The following SSBP2 variants were observed in gnomAD, a reference collection of about 807,000 sequenced individuals.
The protein encoded by SSBP2 is single-stranded DNA-binding protein 2.
A neutral mutation model predicts 61.8 loss-of-function variants in SSBP2; 17 were observed. The observed-to-expected ratio is 0.28, with a 90% CI of 0.19 to 0.41. The LOEUF is 0.41. Ranked by LOEUF, SSBP2 falls within the 10% of genes least tolerant of loss-of-function variation. SSBP2 has a pLI of 1.00. For missense variants in SSBP2, 310 were observed against 458.7 expected (o/e 0.68, Z 2.96); for synonymous variants, 139 against 141.3 (o/e 0.98, Z 0.12).
At chr5:81,678,320 C>A (rs1186690207) in intron 1 of SSBP2, among the ~76,000 whole-genome samples, 2 of 151,990 alleles carry the variant, frequency 1.3e-5, no homozygotes, top group African/African-American at 4.8e-5. Flanking sequence ...AAGGAAGAAT[C>A]TCTAAACTTG....
intron 1 of SSBP2, among the ~76,000 whole-genome samples, chr5:81,700,677 T>A (rs1394689482): frequency 2.0e-5 from 3 of 152,244 alleles, no homozygotes; most frequent in African/African-American, 7.2e-5. Context: ...ATCTTAGATC[T>A]TCTGGATAAT....
chr5:81,624,900 T>C (rs901426442), intron 3 of SSBP2, among the ~76,000 whole-genome samples: 2 of 152,134 alleles, frequency 1.3e-5, no homozygotes, highest in Non-Finnish European at 2.9e-5. Flanking sequence ...GTCTATATAA[T>C]ATGCTGCCAT....
At chr5:81,577,738 A>G (rs1774320902) in intron 4 of SSBP2, among the ~76,000 whole-genome samples, 1 of 151,994 alleles carries the variant, frequency 6.6e-6, no homozygotes, top group African/African-American at 2.4e-5. Context: ...AAAAAAAAGT[A>G]TAGTAACCCT....
chr5:81,686,925 A>T (rs1752855839), intron 1 of SSBP2, among the ~76,000 whole-genome samples: 1 of 151,502 alleles, frequency 6.6e-6, no homozygotes, highest in African/African-American at 2.4e-5. Context: ...AAAAGTGACA[A>T]AATGGGAAGT....
intron 2 of SSBP2, among the ~76,000 whole-genome samples, chr5:81,649,519 G>C: frequency 6.6e-6 from 1 of 152,022 alleles, no homozygotes; most frequent in East Asian, 1.9e-4. Flanking sequence ...ATTAACACAA[G>C]AACAGAAAAC....
intron 9 of SSBP2, among the ~76,000 whole-genome samples, chr5:81,464,360 A>G (rs1764751694): frequency 6.6e-6 from 1 of 152,202 alleles, no homozygotes; most frequent in Non-Finnish European, 1.5e-5. Context: ...TATTTTGGCC[A>G]TAACTTATAA....
chr5:81,739,798 A>T (rs185151767), intron 1 of SSBP2, among the ~76,000 whole-genome samples: 47 of 152,308 alleles, frequency 3.1e-4, no homozygotes, highest in Admixed American at 3.0e-3. Context: ...AAGAAGCCCT[A>T]CTTTCTTACG....
intron 6 of SSBP2, among the ~76,000 whole-genome samples, chr5:81,483,776 C>A (rs1766176422): frequency 6.6e-6 from 1 of 152,082 alleles, no homozygotes; most frequent in Non-Finnish European, 1.5e-5. Flanking sequence ...CACACACACA[C>A]ACACACACAT....
intron 13 of SSBP2, among the ~76,000 whole-genome samples, chr5:81,441,676 G>T (rs1025590272): frequency 2.0e-5 from 3 of 152,090 alleles, no homozygotes; most frequent in Non-Finnish European, 4.4e-5. Context: ...CTATCACCAT[G>T]GGCAATACAA....
chr5:81,716,270 G>A (rs1213468447), intron 1 of SSBP2, among the ~76,000 whole-genome samples: 1 of 152,076 alleles, frequency 6.6e-6, no homozygotes, highest in African/African-American at 2.4e-5. Context: ...TGAGATAAGG[G>A]TAATAGTAGC....
chr5:81,665,458 C>T (rs1320463223), intron 1 of SSBP2, among the ~76,000 whole-genome samples: 4 of 152,020 alleles, frequency 2.6e-5, no homozygotes, highest in Non-Finnish European at 5.9e-5. Context: ...ATATAGACAA[C>T]GTAAAATAGA....
intron 1 of SSBP2, among the ~76,000 whole-genome samples, chr5:81,659,639 T>G (rs1306958037): frequency 2.6e-5 from 4 of 152,154 alleles, no homozygotes; most frequent in Admixed American, 2.0e-4. Flanking sequence ...ACCATTGACT[T>G]TCTTCACAGA....
chr5:81,701,583 A>G (rs1223375990), intron 1 of SSBP2, among the ~76,000 whole-genome samples: 3 of 152,242 alleles, frequency 2.0e-5, no homozygotes, highest in Non-Finnish European at 4.4e-5. Context: ...CTATGTGCCA[A>G]GCACCATGCT....
chr5:81,573,916 G>C (rs1435160959), intron 4 of SSBP2, among the ~76,000 whole-genome samples: 1 of 152,072 alleles, frequency 6.6e-6, no homozygotes, highest in African/African-American at 2.4e-5. Flanking sequence ...CGAGGCAGGC[G>C]AATCACAAGG....
intron 14 of SSBP2, among the ~76,000 whole-genome samples, chr5:81,439,881 C>G (rs934895200): frequency 2.6e-5 from 4 of 151,860 alleles, no homozygotes; most frequent in Non-Finnish European, 5.9e-5. Flanking sequence ...CCATGTTAGC[C>G]AGGATGGTCT....
chr5:81,453,233 G>A (rs1040730985), intron 10 of SSBP2, among the ~76,000 whole-genome samples: 2 of 152,128 alleles, frequency 1.3e-5, no homozygotes, highest in South Asian at 2.1e-4. Flanking sequence ...AGGAGGTGGA[G>A]GTTGCAGTGA....
At chr5:81,534,859 G>A (rs1770693981) in intron 4 of SSBP2, among the ~76,000 whole-genome samples, 1 of 152,018 alleles carries the variant, frequency 6.6e-6, no homozygotes, top group African/African-American at 2.4e-5. Context: ...AGAACATTAA[G>A]TGGGACAAAT....
intron 1 of SSBP2, among the ~76,000 whole-genome samples, chr5:81,694,610 T>C (rs2153837706): frequency 6.6e-6 from 1 of 152,290 alleles, no homozygotes; most frequent in Non-Finnish European, 1.5e-5. Flanking sequence ...TCCTTTTTCC[T>C]GAGCCCCATT....
At chr5:81,539,938 T>C (rs1001627088) in intron 4 of SSBP2, among the ~76,000 whole-genome samples, 5 of 152,084 alleles carry the variant, frequency 3.3e-5, no homozygotes, top group Admixed American at 1.3e-4. Context: ...TTCCCCTCCC[T>C]GTGTCCATGT....
Sources: allele counts gnomAD v4.1 joint callset (sites outside exome capture counted in the v4.1 genomes callset), GRCh38; gene constraint gnomAD v4.1.1; transcripts MANE v1.5; gene names NCBI Gene and HGNC (gene_info 2026-07-23, HGNC 2026-07-21).